Variants in DHRS12 observed in about 807,000 individuals in gnomAD.
DHRS12 encodes the protein dehydrogenase/reductase 12.
DHRS12 carries 29 observed loss-of-function variants against 32.1 expected under a neutral mutation model. That is an observed-to-expected ratio of 0.90 (90% CI 0.67 to 1.23). DHRS12 has a LOEUF of 1.23. Among genes scored for constraint, DHRS12 ranks in the 50% most tolerant of loss-of-function variants. The probability of loss-of-function intolerance (pLI) is 0.00; values close to 1 mark genes in which losing one functional copy is unlikely to be tolerated. For synonymous variants in DHRS12, 150 were observed against 135.9 expected (o/e 1.10, Z -0.72); for missense variants, 330 against 337.2 (o/e 0.98, Z 0.17).
intron 3 of DHRS12, among the ~76,000 whole-genome samples, chr13:51,790,405 GTAGCCAC>G (rs1487653067): frequency 3.7e-4 from 57 of 152,214 alleles, no homozygotes; most frequent in Non-Finnish European, 6.9e-4. Flanking sequence ...AAGATTTCTA[GTAGCCAC>G]ATTAAAAAGG....
the DHRS12 span, chr13:51,761,902 G>A: frequency 3.3e-5 from 5 of 152,256 alleles, no homozygotes; most frequent in Non-Finnish European, 5.9e-5. Flanking sequence ...GTTAGCACTT[G>A]TCGCCTCGCT....
intron 2 of DHRS12, chr13:51,797,818 C>T (rs1955576485): frequency 1.3e-6 from 2 of 1,534,596 alleles, no homozygotes; most frequent in Admixed American, 3.9e-5. Flanking sequence ...GGGTGAGGAG[C>T]TGCTCACCTG....
intron 5 of DHRS12, chr13:51,774,432 CTACATGTATTCTCCTACAG>C: frequency 2.3e-4 from 28 of 123,512 alleles, no homozygotes; most frequent in African/African-American, 8.3e-4. Flanking sequence ...CAGTATTCTC[CTACATGTATTCTCCTACAG>C]TACATGTATT....
At chr13:51,759,650 GA>G in the DHRS12 span, 41 of 1,310,686 alleles carry the variant, frequency 3.1e-5, no homozygotes, top group Non-Finnish European at 4.1e-5. Context: ...TTTGTTAAAT[GA>G]AAAAAATTTC....
intron 1 of DHRS12, among the ~76,000 whole-genome samples, chr13:51,802,294 C>A (rs1211229124): frequency 6.6e-6 from 1 of 152,124 alleles, no homozygotes; most frequent in African/African-American, 2.4e-5. Flanking sequence ...AGTCCCCAGA[C>A]AAGCTGCATC....
chr13:51,788,141 A>AT (rs1955081054), intron 4 of DHRS12, among the ~76,000 whole-genome samples: 2 of 150,948 alleles, frequency 1.3e-5, no homozygotes, highest in Admixed American at 1.3e-4. Flanking sequence ...ATCCTTAATA[A>AT]TTTTTTAACA....
chr13:51,764,449 TAAAC>T (rs899161424), downstream of DHRS12: 2 of 153,020 alleles, frequency 1.3e-5, no homozygotes, highest in Admixed American at 1.3e-4. Context: ...AGAAACAGCA[TAAAC>T]AAACAAAGGC....
At chr13:51,771,166 C>A (rs925289129) in intron 7 of DHRS12, 2 of 1,538,666 alleles carry the variant, frequency 1.3e-6, no homozygotes, top group Non-Finnish European at 8.8e-7. Context: ...TGCGTTAATC[C>A]GCAGACAGCG....
At chr13:51,756,397 CCT>C in the DHRS12 span, 1 of 1,614,152 alleles carries the variant, frequency 6.2e-7, no homozygotes. Flanking sequence ...CCTCCATCCC[CCT>C]GATGGGCTTC....
intron 6 of DHRS12, among the ~76,000 whole-genome samples, 162 bp from the exon 7 acceptor site, chr13:51,772,073 G>A (rs1954046616): frequency 6.6e-6 from 1 of 152,086 alleles, no homozygotes. Flanking sequence ...TTACTCAGCA[G>A]CCCTGAGTAG....
chr13:51,792,690 G>C, intron 2 of DHRS12, among the ~76,000 whole-genome samples: 1 of 152,090 alleles, frequency 6.6e-6, no homozygotes, highest in Non-Finnish European at 1.5e-5. Context: ...ATGAGCCACC[G>C]TGCCCAGCTT....
At chr13:51,784,908 T>A (rs567928311) in intron 4 of DHRS12, among the ~76,000 whole-genome samples, 2 of 152,320 alleles carry the variant, frequency 1.3e-5, no homozygotes, top group Non-Finnish European at 2.9e-5. Context: ...CCACAGCATC[T>A]GGCATAAAAT....
chr13:51,778,156 G>A (rs551236412), intron 4 of DHRS12, among the ~76,000 whole-genome samples: 6 of 152,352 alleles, frequency 3.9e-5, no homozygotes, highest in African/African-American at 7.2e-5. Context: ...ACTTACCAGC[G>A]GTGTGACCGT....
rs200874850 is a variant in DHRS12 at position 51,791,174 on chromosome 13, G to A, written c.210C>T (p.Leu70=). ...TGTTTACAAAGCTCACCAGAACATG[G>A]AGTTTATGTTCCTGCTTGAAATTTT... is the stretch of plus-strand genomic sequence containing the variant. ...FVENFKQEHK[L]HVLINNAGCM... is the part of the protein sequence containing the mutation. The change falls in exon 3 of 9, where the codon CTC becomes CTT. Residue 70 remains leucine (L), a synonymous_variant. Transcript: ENST00000444610. 4 of 1,577,526 alleles carry A rather than the reference G, an allele frequency of 2.5e-6. No individual in the cohort carries two copies. The highest frequency in any genetic ancestry group is 3.4e-6 in the Non-Finnish European group (4 of 1,160,208).
At chr13:51,770,836 C>G in intron 7 of DHRS12, 1 of 1,066,126 alleles carries the variant, frequency 9.4e-7, no homozygotes, top group South Asian at 3.3e-5. Context: ...TTTCCATAGG[C>G]ATGATTGGCA....
Position 51,771,108 on chromosome 13 carries a change from G to T in DHRS12, c.559+713C>A, listed in dbSNP as rs953346092. On this transcript the variant is annotated intron_variant, in intron 7 of 8. Coordinates refer to ENST00000444610, the MANE Select transcript of DHRS12 (RefSeq NM_001377533.1). ...CCTCAGTTCCCTCATCTGTAAATGGGTGTGATAATAGACAGTAGTGGCCAC... is the reference window on the plus strand; with the variant it reads ...CCTCAGTTCCCTCATCTGTAAATGGTTGTGATAATAGACAGTAGTGGCCAC... The T allele has an allele frequency of 4.8e-6, 7 of 1,473,346 alleles. No individual in the cohort carries two copies. In the African/African-American group the frequency reaches 9.9e-5, roughly 21 times the overall value. The allele number at this position is 1,473,346 out of a possible 1,614,324, so 91.3% of individuals were successfully genotyped here.
At chr13:51,763,614 A>G (rs1359796020), downstream of DHRS12, 1 of 152,258 alleles carries the variant, frequency 6.6e-6, no homozygotes, top group East Asian at 1.9e-4. Context: ...CCTGGGCCAC[A>G]CAGCAAGATC....
At chr13:51,781,468 G>A (rs1391985604) in intron 4 of DHRS12, among the ~76,000 whole-genome samples, 3 of 152,120 alleles carry the variant, frequency 2.0e-5, no homozygotes, top group East Asian at 3.9e-4. Context: ...GGCATTCCCA[G>A]GCATTACACA....
chr13:51,796,514 C>A (rs1293843667), intron 2 of DHRS12, among the ~76,000 whole-genome samples: 1 of 152,142 alleles, frequency 6.6e-6, no homozygotes, highest in East Asian at 1.9e-4. Flanking sequence ...CATGCTTGCT[C>A]CCCTTTTCAG....
Sources: allele counts gnomAD v4.1 joint callset (sites outside exome capture counted in the v4.1 genomes callset), GRCh38; gene constraint gnomAD v4.1.1; transcripts MANE v1.5; gene names NCBI Gene and HGNC (gene_info 2026-07-23, HGNC 2026-07-21).